The following TENM4 variants were observed in gnomAD, a reference collection of about 807,000 sequenced individuals.
TENM4 encodes the protein teneurin-4.
Under a neutral mutation model 243.3 loss-of-function variants are expected in TENM4, and 82 were observed. That is an observed-to-expected ratio of 0.34 (90% CI 0.28 to 0.40). TENM4 has a LOEUF of 0.40. Ranked by LOEUF, TENM4 falls within the 10% of genes least tolerant of loss-of-function variation. TENM4 has a pLI of 1.00. For synonymous variants in TENM4, 1,412 were observed against 1,456.3 expected (o/e 0.97, Z 0.69); for missense variants, 3,138 against 3,673.3 (o/e 0.85, Z 3.77).
intron 6 of TENM4, among the ~76,000 whole-genome samples, chr11:79,060,090 G>C (rs1016473836): frequency 1.3e-5 from 2 of 152,234 alleles, no homozygotes; most frequent in Non-Finnish European, 1.5e-5. Flanking sequence ...CACTGTGTCA[G>C]CTTGACCCAG....
At chr11:79,175,313 T>C (rs1863138434) in intron 3 of TENM4, among the ~76,000 whole-genome samples, 1 of 152,250 alleles carries the variant, frequency 6.6e-6, no homozygotes, top group Non-Finnish European at 1.5e-5. Flanking sequence ...AAACATTTAA[T>C]GACTGGTATG....
intron 9 of TENM4, among the ~76,000 whole-genome samples, chr11:78,877,443 T>G (rs922149439): frequency 1.4e-4 from 21 of 152,234 alleles, no homozygotes; most frequent in African/African-American, 5.1e-4. Flanking sequence ...TGCACTTAAG[T>G]GCAATTAAAT....
chr11:78,819,725 A>G (rs1169455307), intron 12 of TENM4, among the ~76,000 whole-genome samples: 2 of 152,170 alleles, frequency 1.3e-5, no homozygotes, highest in Non-Finnish European at 2.9e-5. Context: ...TCCCTCCCAG[A>G]AGCTCCTGTA....
intron 12 of TENM4, among the ~76,000 whole-genome samples, chr11:78,829,093 G>T (rs927982594): frequency 6.6e-6 from 1 of 152,234 alleles, no homozygotes; most frequent in African/African-American, 2.4e-5. Flanking sequence ...GCACTAGACT[G>T]CAGCCCCTCT....
At chr11:79,077,014 A>G (rs927054177) in intron 4 of TENM4, among the ~76,000 whole-genome samples, 2 of 152,126 alleles carry the variant, frequency 1.3e-5, no homozygotes, top group Non-Finnish European at 2.9e-5. Flanking sequence ...AAATGTTTGA[A>G]CCTCAAGAAA....
At chr11:79,387,426 G>T (rs1858140409) in intron 1 of TENM4, among the ~76,000 whole-genome samples, 1 of 152,162 alleles carries the variant, frequency 6.6e-6, no homozygotes, top group Non-Finnish European at 1.5e-5. Flanking sequence ...CACAAACTTG[G>T]CTGTTCCACC....
At chr11:79,073,596 G>A (rs886654427) in intron 4 of TENM4, among the ~76,000 whole-genome samples, 6 of 152,196 alleles carry the variant, frequency 3.9e-5, no homozygotes, top group Admixed American at 2.0e-4. Context: ...GGCTGAATTA[G>A]AGGCGTTGCT....
chr11:78,696,288 T>C (rs1407765382), intron 28 of TENM4, among the ~76,000 whole-genome samples: 2 of 152,204 alleles, frequency 1.3e-5, no homozygotes, highest in East Asian at 3.8e-4. Context: ...ATCTTGCACA[T>C]TGTTCGCCTT....
At chr11:79,199,123 C>T (rs774839673) in intron 3 of TENM4, among the ~76,000 whole-genome samples, 1 of 152,060 alleles carries the variant, frequency 6.6e-6, no homozygotes, top group Non-Finnish European at 1.5e-5. Context: ...TACAAATACT[C>T]GTGGAGAGGT....
intron 1 of TENM4, among the ~76,000 whole-genome samples, chr11:79,316,336 C>T (rs550442379): frequency 1.1e-4 from 17 of 152,264 alleles, no homozygotes; most frequent in East Asian, 3.9e-4. Flanking sequence ...AGGCTGGTTT[C>T]GACATCTTTT....
chr11:78,699,051 C>CAGTT (rs1455074780), intron 28 of TENM4, among the ~76,000 whole-genome samples: 1 of 152,178 alleles, frequency 6.6e-6, no homozygotes, highest in Admixed American at 6.5e-5. Context: ...AGTTTACTTG[C>CAGTT]AGTTGCTCCT....
intron 6 of TENM4, among the ~76,000 whole-genome samples, chr11:78,925,203 A>T (rs532418932): frequency 1.3e-5 from 2 of 152,126 alleles, no homozygotes; most frequent in African/African-American, 4.8e-5. Flanking sequence ...GATTTGTGTG[A>T]TTTCAGCTTC....
chr11:78,864,565 T>C (rs563280317), intron 9 of TENM4, among the ~76,000 whole-genome samples: 8 of 151,174 alleles, frequency 5.3e-5, no homozygotes, highest in African/African-American at 1.7e-4. Context: ...GAGATATACA[T>C]GCTTGAGAAG....
intron 29 of TENM4, among the ~76,000 whole-genome samples, chr11:78,687,169 G>A (rs930453154): frequency 5.9e-5 from 9 of 152,024 alleles, no homozygotes; most frequent in Non-Finnish European, 1.0e-4. Context: ...GGCATGATGG[G>A]CACAGGGCCC....
intron 1 of TENM4, among the ~76,000 whole-genome samples, chr11:79,320,152 A>C (rs1856864211): frequency 6.6e-6 from 1 of 152,136 alleles, no homozygotes; most frequent in South Asian, 2.1e-4. Context: ...TCCTGAAAAC[A>C]TCCCCAGGAG....
chr11:78,750,563 C>G (rs1295672260), intron 19 of TENM4, among the ~76,000 whole-genome samples: 3 of 152,328 alleles, frequency 2.0e-5, no homozygotes, highest in Non-Finnish European at 4.4e-5. Context: ...AGAGGCAGCT[C>G]TCATGGTGTA....
intron 9 of TENM4, among the ~76,000 whole-genome samples, chr11:78,878,550 C>A (rs564152478): frequency 1.3e-5 from 2 of 152,318 alleles, no homozygotes; most frequent in South Asian, 4.1e-4. Context: ...TGATGGGCAG[C>A]TCTCTTCAGG....
At chr11:78,938,314 G>A (rs376164852) in intron 6 of TENM4, among the ~76,000 whole-genome samples, 4 of 152,232 alleles carry the variant, frequency 2.6e-5, no homozygotes, top group South Asian at 4.1e-4. Flanking sequence ...TGCAAAAATA[G>A]TACAAAGAGT....
chr11:79,161,955 G>A (rs1472786512), intron 3 of TENM4, among the ~76,000 whole-genome samples: 13 of 152,312 alleles, frequency 8.5e-5, no homozygotes, highest in African/African-American at 2.9e-4. Context: ...TTACAAATTA[G>A]CAAGTTTGTG....
Sources: gnomAD v4.1 joint callset for allele counts (sites outside exome capture counted in the v4.1 genomes callset) on GRCh38, gnomAD v4.1.1 for gene constraint, MANE v1.5 for transcripts, NCBI Gene and HGNC (gene_info 2026-07-23, HGNC 2026-07-21) for gene names.